CMTM3: variants seen among roughly 807,000 people sequenced by gnomAD.
CMTM3 encodes the protein CKLF-like MARVEL transmembrane domain-containing protein 3.
In CMTM3, 7 loss-of-function variants were observed where a neutral mutation model predicts 18.2. That is an observed-to-expected ratio of 0.38 (90% CI 0.22 to 0.72). The LOEUF (loss-of-function observed/expected upper bound fraction) is 0.72. Among genes scored for constraint, CMTM3 ranks in the 30% least tolerant of loss-of-function variants. The pLI is 0.46. For missense variants in CMTM3, 227 were observed against 249.2 expected (o/e 0.91, Z 0.60); for synonymous variants, 109 against 111.2 (o/e 0.98, Z 0.12).
rs149217026 is a variant in CMTM3 at position 66,609,494 on chromosome 16, C to T, written c.363C>T (p.Ile121=). 4,753 of 1,610,460 alleles carry T rather than the reference C, an allele frequency of 3.0e-3. 12 individuals are homozygous for T. The highest frequency in any genetic ancestry group is 3.7e-3 in the Non-Finnish European group (4,315 of 1,178,446). Residue 121 remains isoleucine, a synonymous_variant, in exon 3 of 5, where the codon ATC becomes ATT. Coordinates refer to ENST00000567572, the MANE Select transcript of CMTM3 (RefSeq NM_181553.4). The surrounding 1 kb of genome is among the most constrained non-coding windows in gnomAD (Gnocchi z 4.4). Reference sequence around the variant, plus strand: ...ACTTTGCTATCTCCATCACGGCCATCGCCAAGTACTCGGATGGGGCTTCCA... The same window carrying T: ...ACTTTGCTATCTCCATCACGGCCATTGCCAAGTACTCGGATGGGGCTTCCA... ...LIYFAISITA[I]AKYSDGASKA...
At position 66,604,740 on chromosome 16, in the gene CMTM3, C is replaced by T; in HGVS notation, c.-66C>T. On this transcript the variant is annotated 5_prime_UTR_variant, in exon 1 of 5. Transcript: ENST00000567572. ...CCCTCCTTCCGCACAGCCCGGGTTT[C>T]CGCTTCCCTCCGGGCGCGAGAAGAG... 8.5e-7 allele frequency: 1 copy of T among 1,175,850 alleles called. No individual in the cohort carries two copies. Among genetic ancestry groups the T allele is most frequent in the South Asian group, 4.0e-5 (1 of 24,876 alleles). The allele number at this position is 1,175,850 out of a possible 1,614,324, so 72.8% of individuals were successfully genotyped here.
intron 1 of CMTM3, among the ~76,000 whole-genome samples, chr16:66,607,092 G>T (rs534403375): frequency 6.6e-6 from 1 of 152,324 alleles, no homozygotes; most frequent in East Asian, 1.9e-4. Flanking sequence ...CTTCTCATCT[G>T]TCAAGTGGGG....
rs1438705489 is a variant in CMTM3, at chr16:66,612,554, C to A, written c.521-55C>A. On this transcript the variant is annotated intron_variant, in intron 4 of 4. Coordinates refer to ENST00000567572, the MANE Select transcript of CMTM3 (RefSeq NM_181553.4). The surrounding 1 kb of genome is among the most constrained non-coding windows in gnomAD (Gnocchi z 6.0). ...AGCTGTGCTTCCCCAGAGACCGTTC[C>A]CAGGCACCGCTGCCCTGAGCCTCCT... 3.8e-6 allele frequency: 6 copies of A among 1,593,358 alleles called. No homozygotes were observed. The highest frequency in any genetic ancestry group is 5.2e-6 in the Non-Finnish European group (6 of 1,163,716).
chr16:66,612,962 G>C lies in CMTM3; in HGVS notation c.*325G>C. The C allele has an allele frequency of 1.5e-6, 1 of 681,626 alleles. No homozygotes were observed. The highest frequency in any genetic ancestry group is 2.7e-6 in the Non-Finnish European group (1 of 373,148). The allele number at this position is 681,626 out of a possible 1,614,324, so 42.2% of individuals were successfully genotyped here. A position where few individuals can be genotyped will look rare whatever the true frequency, so the allele number is the denominator to read the frequency against. ...ACAAAGCAGAGCCTTGTCTGTATCT[G>C]GGCAGCAGGTGTTCCATGCTGCTAG... On this transcript the variant is annotated 3_prime_UTR_variant, in exon 5 of 5. Coordinates refer to ENST00000567572, the MANE Select transcript of CMTM3 (RefSeq NM_181553.4). This position sits in a 1 kb window ranked among gnomAD's most constrained non-coding sequence, Gnocchi z 6.0.
rs1168257982 is a variant in CMTM3, at chr16:66,610,215, G to A, written c.520+212G>A. 2.0e-5 allele frequency among the ~76,000 whole-genome samples: 3 copies of A among 152,174 alleles called. No homozygotes were observed. The highest frequency in any genetic ancestry group is 2.0e-4 in the Admixed American group (3 of 15,286). On this transcript the variant is annotated intron_variant, in intron 4 of 4. Coordinates refer to ENST00000567572, the MANE Select transcript of CMTM3 (RefSeq NM_181553.4). The surrounding 1 kb of genome is among the most constrained non-coding windows in gnomAD (Gnocchi z 4.6). ...CACCCTCACCCCAGCCTTTCTAGGA[G>A]GGGCAAGCAGTGGGCATGGCTGAGC...
rs200036522 is a variant in CMTM3 at position 66,612,566 on chromosome 16, G to A, written c.521-43G>A. The A allele has an allele frequency of 2.8e-5, 45 of 1,609,600 alleles. No homozygotes were observed. In the East Asian group the frequency reaches 1.0e-3, roughly 36 times the overall value. On this transcript the variant is annotated intron_variant, in intron 4 of 4. Coordinates refer to ENST00000567572, the MANE Select transcript of CMTM3 (RefSeq NM_181553.4). The surrounding 1 kb of genome is among the most constrained non-coding windows in gnomAD (Gnocchi z 6.0). ...CCAGAGACCGTTCCCAGGCACCGCT[G>A]CCCTGAGCCTCCTGCCAAGCATCCT...
intron 1 of CMTM3, among the ~76,000 whole-genome samples, chr16:66,606,260 A>G (rs940825200): frequency 6.6e-6 from 1 of 152,094 alleles, no homozygotes; most frequent in Non-Finnish European, 1.5e-5. Flanking sequence ...AGAAACAGAG[A>G]GAGGAAGTGG....
Position 66,605,484 on chromosome 16 carries a change from C to A in CMTM3, c.147+532C>A, listed in dbSNP as rs1301711689. The A allele has an allele frequency of 1.3e-5, 2 of 152,676 alleles. No homozygotes were observed. Among genetic ancestry groups the A allele is most frequent in the African/African-American group, 4.8e-5 (2 of 41,458 alleles). The allele number at this position is 152,676 out of a possible 1,614,324, so 9.5% of individuals were successfully genotyped here. On this transcript the variant is annotated intron_variant, in intron 1 of 4. Transcript: ENST00000567572. This position sits in a 1 kb window ranked among gnomAD's most constrained non-coding sequence, Gnocchi z 4.6. ...CCTCCCCTCCGCGGCCGGGCTCCTTCCTACTCCGCCCTCGCCCCCACCCCG... is the reference window on the plus strand; with the variant it reads ...CCTCCCCTCCGCGGCCGGGCTCCTTACTACTCCGCCCTCGCCCCCACCCCG...
rs1453076450 is a variant in CMTM3 at position 66,605,102 on chromosome 16, G to C, written c.147+150G>C. 2.7e-5 allele frequency: 21 copies of C among 772,920 alleles called. No individual in the cohort carries two copies. Among genetic ancestry groups the C allele is most frequent in the Non-Finnish European group, 3.8e-5 (21 of 550,486 alleles). 47.9% of individuals were successfully genotyped at this position (772,920 alleles called of 1,614,324 possible). On this transcript the variant is annotated intron_variant, in intron 1 of 4. Transcript: ENST00000567572. The surrounding 1 kb of genome is among the most constrained non-coding windows in gnomAD (Gnocchi z 4.6). Reference sequence around the variant, plus strand: ...CTCGGCCGACTTCTCTCGGGCGCCTGGCGAAGTTGGGTCGAGGTCCCCAAA... The same window carrying C: ...CTCGGCCGACTTCTCTCGGGCGCCTCGCGAAGTTGGGTCGAGGTCCCCAAA...
At position 66,610,915 on chromosome 16, in the gene CMTM3, A is replaced by C. The variant is rs1013155543; in HGVS notation, c.520+912A>C. The C allele has an allele frequency of 7.5e-6, 3 of 398,210 alleles. No homozygotes were observed. Among genetic ancestry groups the C allele is most frequent in the Non-Finnish European group, 1.3e-5 (3 of 226,034 alleles). The allele number at this position is 398,210 out of a possible 1,614,324, so 24.7% of individuals were successfully genotyped here. A position where few individuals can be genotyped will look rare whatever the true frequency, so the allele number is the denominator to read the frequency against. ...CGTCCTTCTGCTGAAAATGAATGCC[A>C]CTCATCCCATCCCGTCCCTTGGCAA... On this transcript the variant is annotated intron_variant, in intron 4 of 4. Coordinates refer to ENST00000567572, the MANE Select transcript of CMTM3 (RefSeq NM_181553.4). The surrounding 1 kb of genome is among the most constrained non-coding windows in gnomAD (Gnocchi z 4.6).
Position 66,608,616 on chromosome 16 carries a change from T to G in CMTM3, c.303+152T>G. 1 of 737,464 alleles carries G rather than the reference T, an allele frequency of 1.4e-6. No individual in the cohort carries two copies. Among genetic ancestry groups the G allele is most frequent in the Non-Finnish European group, 2.2e-6 (1 of 456,728 alleles). The allele number at this position is 737,464 out of a possible 1,614,324, so 45.7% of individuals were successfully genotyped here. A position where few individuals can be genotyped will look rare whatever the true frequency, so the allele number is the denominator to read the frequency against. ...GATGGAGAGACCCAGCTTCAGATCA[T>G]CCCAGCTCCACTACTCAGCAGCCCT... On this transcript the variant is annotated intron_variant, in intron 2 of 4. Transcript: ENST00000567572. This position sits in a 1 kb window ranked among gnomAD's most constrained non-coding sequence, Gnocchi z 5.1.
Position 66,610,444 on chromosome 16 carries a change from C to T in CMTM3, c.520+441C>T, listed in dbSNP as rs934692686. On this transcript the variant is annotated intron_variant, in intron 4 of 4. Transcript: ENST00000567572. The surrounding 1 kb of genome is among the most constrained non-coding windows in gnomAD (Gnocchi z 4.6). Reference sequence around the variant, plus strand: ...GTGGCAAGGGACAGATGATGTGTCCCGTACCAGGGGAGGGGCCAGATGGGG... The same window carrying T: ...GTGGCAAGGGACAGATGATGTGTCCTGTACCAGGGGAGGGGCCAGATGGGG... 5.9e-5 allele frequency among the ~76,000 whole-genome samples: 9 copies of T among 152,112 alleles called. No homozygotes were observed. The highest frequency in any genetic ancestry group is 1.2e-4 in the Non-Finnish European group (8 of 68,026).
chr16:66,609,583 A>AT lies in CMTM3; in HGVS notation c.399+56dup, dbSNP rs2015295641. The AT allele has an allele frequency of 6.5e-7, 1 of 1,538,646 alleles. No homozygotes were observed. Among genetic ancestry groups the AT allele is most frequent in the South Asian group, 1.2e-5 (1 of 84,482 alleles). ...ACTGCAGATGCCCCTCTAGCCCCTCATTTAGGGTGGGACCTGGGGCAGAGC... is the reference window on the plus strand; with the variant it reads ...ACTGCAGATGCCCCTCTAGCCCCTCATTTTAGGGTGGGACCTGGGGCAGAGC... On this transcript the variant is annotated intron_variant, in intron 3 of 4. Coordinates refer to ENST00000567572, the MANE Select transcript of CMTM3 (RefSeq NM_181553.4). The surrounding 1 kb of genome is among the most constrained non-coding windows in gnomAD (Gnocchi z 4.4).
In CMTM3 at chr16:66,608,419, C is replaced by T. The variant is rs2015242637; in HGVS notation, c.258C>T (p.Ala86=). 1.2e-6 allele frequency: 2 copies of T among 1,614,078 alleles called. No homozygotes were observed. Among genetic ancestry groups the T allele is most frequent in the Admixed American group, 3.3e-5 (2 of 60,014 alleles). ...LLALYFLFAD[A]MQLNDKWQGL... is the part of the protein sequence containing the mutation. The stretch of plus-strand genomic sequence containing the variant: ...CCTTGTACTTCCTCTTTGCTGATGC[C>T]ATGCAGCTGAATGACAAGTGGCAGG... The change falls in exon 2 of 5, where the codon GCC becomes GCT. Residue 86 remains alanine, a synonymous_variant. Transcript: ENST00000567572. This position sits in a 1 kb window ranked among gnomAD's most constrained non-coding sequence, Gnocchi z 5.1.
chr16:66,609,956 T>C lies in CMTM3; in HGVS notation c.473T>C (p.Leu158Pro), dbSNP rs553240113. 7 of 1,614,080 alleles carry C rather than the reference T, an allele frequency of 4.3e-6. No homozygotes were observed. The South Asian group carries it at 7.7e-5, about 18-fold the overall frequency. ...YLIFNDVAKF[L>P]KQGDSADETT... is the part of the protein sequence containing the mutation. ...ATCTTTAACGACGTGGCCAAATTCC[T>C]CAAACAAGGGGACTCTGCAGATGAG... The change falls in exon 4 of 5, where the codon CTC becomes CCC. Residue 158 changes from leucine (L) to proline (P), a missense_variant. By Grantham distance (98) the Leu-to-Pro change is moderately conservative (BLOSUM62 -3). Transcript: ENST00000567572. The surrounding 1 kb of genome is among the most constrained non-coding windows in gnomAD (Gnocchi z 4.4).
Position 66,609,687 on chromosome 16 carries a change from C to G in CMTM3, c.399+157C>G. ...AAAGTCCTCTCATTAAAGACTGACT[C>G]TACCCGGGGTTTTGAAAGGCTGTTT... On this transcript the variant is annotated intron_variant, in intron 3 of 4. Coordinates refer to ENST00000567572, the MANE Select transcript of CMTM3 (RefSeq NM_181553.4). The surrounding 1 kb of genome is among the most constrained non-coding windows in gnomAD (Gnocchi z 4.4). 1.3e-6 allele frequency: 2 copies of G among 1,541,568 alleles called. No homozygotes were observed. The highest frequency in any genetic ancestry group is 1.2e-5 in the South Asian group (1 of 84,378).
rs2015412851 is a variant in CMTM3, at chr16:66,612,411, GA to G, written c.521-195del. Among the ~76,000 whole-genome samples the G allele has an allele frequency of 6.6e-6, 1 of 152,116 alleles. No individual in the cohort carries two copies. The highest frequency in any genetic ancestry group is 6.5e-5 in the Admixed American group (1 of 15,288). ...CAACAACAAAAAAAAAAGAGAGAGA[GA>G]AAGTGGCTGCTGCCTGTGGAGGGCC... On this transcript the variant is annotated intron_variant, in intron 4 of 4. Coordinates refer to ENST00000567572, the MANE Select transcript of CMTM3 (RefSeq NM_181553.4). This position sits in a 1 kb window ranked among gnomAD's most constrained non-coding sequence, Gnocchi z 6.0.
Position 66,608,925 on chromosome 16 carries a change from G to T in CMTM3, c.303+461G>T, listed in dbSNP as rs1007044719. Among the ~76,000 whole-genome samples the T allele has an allele frequency of 2.0e-5, 3 of 152,130 alleles. No homozygotes were observed. ...TGAATGAAATGTGTCCTAGAGAAAG[G>T]GCAGCAAAGGCTCAACTTGAACCCT... On this transcript the variant is annotated intron_variant, in intron 2 of 4. Transcript: ENST00000567572. The surrounding 1 kb of genome is among the most constrained non-coding windows in gnomAD (Gnocchi z 5.1).
At position 66,608,362 on chromosome 16, in the gene CMTM3, C is replaced by T. The variant is rs753886654; in HGVS notation, c.201C>T (p.Phe67=). Residue 67 remains phenylalanine, a synonymous_variant, in exon 2 of 5, where the codon TTC becomes TTT. Coordinates refer to ENST00000567572, the MANE Select transcript of CMTM3 (RefSeq NM_181553.4). The surrounding 1 kb of genome is among the most constrained non-coding windows in gnomAD (Gnocchi z 5.1). The part of the protein sequence containing the change: ...ICYVASSASA[F]LTAPLLEFLL... ...ATGTGGCGTCCTCAGCATCTGCCTT[C>T]CTCACAGCGCCTCTGCTGGAGTTCC... 2 of 1,614,110 alleles carry T rather than the reference C, an allele frequency of 1.2e-6. No homozygotes were observed. Among genetic ancestry groups the T allele is most frequent in the East Asian group, 4.5e-5 (2 of 44,890 alleles).
Sources: gnomAD v4.1 joint callset for allele counts (sites outside exome capture counted in the v4.1 genomes callset) on GRCh38, gnomAD v4.1.1 for gene constraint, Gnocchi (gnomAD v3.1) non-coding constraint, MANE v1.5 for transcripts, NCBI Gene and HGNC (gene_info 2026-07-23, HGNC 2026-07-21) for gene names.